PTPRT: variants seen among roughly 807,000 people sequenced by gnomAD.
PTPRT encodes the protein protein tyrosine phosphatase receptor type T.
Under a neutral mutation model 176.8 loss-of-function variants are expected in PTPRT, and 56 were observed. The ratio of observed to expected loss-of-function variants is 0.32; its 90% CI spans 0.26 to 0.40. PTPRT has a LOEUF of 0.40. PTPRT is among the 10% of genes least tolerant of loss of function. The probability of loss-of-function intolerance (pLI) is 1.00; values close to 1 mark genes in which losing one functional copy is unlikely to be tolerated. For missense variants in PTPRT, 1,540 were observed against 1,908.2 expected (o/e 0.81, Z 3.60); for synonymous variants, 783 against 739.0 (o/e 1.06, Z -0.96).
intron 2 of PTPRT, among the ~76,000 whole-genome samples, chr20:42,833,432 A>T (rs965698567): frequency 1.1e-4 from 17 of 151,568 alleles, no homozygotes; most frequent in African/African-American, 2.9e-4. Flanking sequence ...AATAAATAAA[A>T]TAAATAAAGT....
intron 16 of PTPRT, among the ~76,000 whole-genome samples, chr20:42,171,404 G>A (rs1049534673): frequency 1.3e-5 from 2 of 152,066 alleles, no homozygotes; most frequent in Admixed American, 1.3e-4. Context: ...AAAAATTCTT[G>A]GCTAAAATTT....
At chr20:42,338,581 A>G (rs1343087862) in intron 11 of PTPRT, among the ~76,000 whole-genome samples, 1 of 152,178 alleles carries the variant, frequency 6.6e-6, no homozygotes, top group East Asian at 1.9e-4. Context: ...GAGCCGTGGG[A>G]AGCAGATGGC....
chr20:43,158,524 C>T (rs4812682), intron 1 of PTPRT, among the ~76,000 whole-genome samples: 1 of 151,970 alleles, frequency 6.6e-6, no homozygotes, highest in African/African-American at 2.4e-5. Flanking sequence ...TTCAAAGCAG[C>T]ACAAATTATA....
chr20:42,344,725 C>A (rs1190627698), intron 11 of PTPRT, among the ~76,000 whole-genome samples: 1 of 152,126 alleles, frequency 6.6e-6, no homozygotes, highest in Non-Finnish European at 1.5e-5. Flanking sequence ...TGGGCACTCA[C>A]CTTCCCAATG....
At chr20:42,382,675 G>A (rs748368095) in intron 9 of PTPRT, among the ~76,000 whole-genome samples, 4 of 152,164 alleles carry the variant, frequency 2.6e-5, no homozygotes, top group Non-Finnish European at 5.9e-5. Context: ...CAGAGAGTAA[G>A]GTGGGGAACA....
chr20:42,244,557 T>C (rs1051421449), intron 14 of PTPRT, among the ~76,000 whole-genome samples: 27 of 152,134 alleles, frequency 1.8e-4, no homozygotes, highest in African/African-American at 6.5e-4. Context: ...TAGTGTAGGA[T>C]CCAGGCAAGT....
chr20:42,178,323 G>T (rs1445691833), intron 16 of PTPRT, among the ~76,000 whole-genome samples: 1 of 152,150 alleles, frequency 6.6e-6, no homozygotes, highest in Non-Finnish European at 1.5e-5. Context: ...TCATAAGGGA[G>T]TCAATGTTAC....
At chr20:42,596,715 C>T (rs1009712387) in intron 7 of PTPRT, among the ~76,000 whole-genome samples, 14 of 152,040 alleles carry the variant, frequency 9.2e-5, no homozygotes, top group African/African-American at 1.9e-4. Flanking sequence ...ATTTTTAAAA[C>T]GAAAAATACA....
intron 7 of PTPRT, among the ~76,000 whole-genome samples, chr20:42,510,618 A>G (rs1168800013): frequency 6.6e-6 from 1 of 152,106 alleles, no homozygotes; most frequent in Non-Finnish European, 1.5e-5. Flanking sequence ...CTTTCCCATT[A>G]TCTTGCTAGG....
intron 1 of PTPRT, among the ~76,000 whole-genome samples, chr20:43,103,668 T>C (rs1443704582): frequency 6.6e-6 from 1 of 152,050 alleles, no homozygotes; most frequent in African/African-American, 2.4e-5. Context: ...ATCTCAGATA[T>C]TATCGTGGTT....
chr20:42,143,543 C>T (rs565331749), intron 17 of PTPRT, among the ~76,000 whole-genome samples: 15 of 138,604 alleles, frequency 1.1e-4, no homozygotes, highest in Middle Eastern at 3.8e-3. Context: ...GGCGACAGAG[C>T]GAGACTCTGT....
intron 1 of PTPRT, among the ~76,000 whole-genome samples, chr20:43,182,079 C>T (rs1428570966): frequency 6.6e-6 from 1 of 152,174 alleles, no homozygotes; most frequent in Non-Finnish European, 1.5e-5. Context: ...GATGTGAACC[C>T]ATTCATTCAT....
intron 7 of PTPRT, among the ~76,000 whole-genome samples, chr20:42,611,447 G>C (rs1260613145): frequency 6.6e-6 from 1 of 152,178 alleles, no homozygotes; most frequent in Non-Finnish European, 1.5e-5. Flanking sequence ...CCAATGTACA[G>C]ATCACAATAG....
At chr20:42,142,091 C>A in intron 17 of PTPRT, 89 bp from the exon 18 acceptor site, 1 of 1,043,046 alleles carries the variant, frequency 9.6e-7, no homozygotes, top group Non-Finnish European at 1.5e-6. Flanking sequence ...GTAAGACCCA[C>A]TGCGATGGGA....
chr20:42,329,473 G>GCACA (rs374374950), intron 11 of PTPRT, among the ~76,000 whole-genome samples: 309 of 145,076 alleles, frequency 2.1e-3, no homozygotes, highest in African/African-American at 4.4e-3. Context: ...GAATATAGTG[G>GCACA]CACACACACA....
intron 1 of PTPRT, among the ~76,000 whole-genome samples, chr20:43,123,969 C>T (rs189004121): frequency 6.6e-6 from 1 of 152,240 alleles, no homozygotes; most frequent in Non-Finnish European, 1.5e-5. Flanking sequence ...ATACAGAGCC[C>T]TATGAAATTG....
At chr20:42,897,410 A>C (rs2079321372) in intron 1 of PTPRT, among the ~76,000 whole-genome samples, 1 of 152,204 alleles carries the variant, frequency 6.6e-6, no homozygotes, top group Admixed American at 6.5e-5. Flanking sequence ...TAGCCAAGGA[A>C]CTTCAAGGGA....
chr20:42,936,648 G>T (rs1482443917), intron 1 of PTPRT, among the ~76,000 whole-genome samples: 2 of 152,134 alleles, frequency 1.3e-5, no homozygotes, highest in Non-Finnish European at 2.9e-5. Flanking sequence ...GAGGCTGCAG[G>T]TCTACTCTAG....
intron 2 of PTPRT, among the ~76,000 whole-genome samples, chr20:42,818,189 CA>C (rs1469933927): frequency 6.6e-6 from 1 of 152,090 alleles, no homozygotes; most frequent in Non-Finnish European, 1.5e-5. Context: ...TGCTGCTCCC[CA>C]GCCTCCTTGA....
Sources: gnomAD v4.1 joint callset for allele counts (sites outside exome capture counted in the v4.1 genomes callset) on GRCh38, gnomAD v4.1.1 for gene constraint, MANE v1.5 for transcripts, NCBI Gene and HGNC (gene_info 2026-07-23, HGNC 2026-07-21) for gene names.